GCNT2: variants seen among roughly 807,000 people sequenced by gnomAD.
GCNT2 encodes the protein N-acetyllactosaminide beta-1,6-N-acetylglucosaminyl-transferase.
In GCNT2, 34 loss-of-function variants were observed where a neutral mutation model predicts 34.2. The ratio of observed to expected loss-of-function variants is 1.00; its 90% CI spans 0.76 to 1.32. GCNT2 has a LOEUF of 1.32. GCNT2 is among the 40% of genes most tolerant of loss of function. The probability of loss-of-function intolerance (pLI) is 0.00; values close to 1 mark genes in which losing one functional copy is unlikely to be tolerated. For missense variants in GCNT2, 584 were observed against 489.4 expected, an observed-to-expected ratio of 1.19 and a Z score of -1.82; for synonymous variants, 212 against 188.0, an observed-to-expected ratio of 1.13 and a Z score of -1.04.
chr6:10,549,186 C>G (rs972786985), intron 3 of GCNT2, among the ~76,000 whole-genome samples: 3 of 152,326 alleles, frequency 2.0e-5, no homozygotes, highest in East Asian at 1.9e-4. Flanking sequence ...CAACACACAG[C>G]CCTCACAACA....
intron 3 of GCNT2, among the ~76,000 whole-genome samples, chr6:10,582,449 AATAT>A (rs1229560938): frequency 8.0e-6 from 1 of 125,452 alleles, no homozygotes; most frequent in South Asian, 2.2e-4. Flanking sequence ...TTTATTATAT[AATAT>A]ATATAATAAA....
intron 3 of GCNT2, chr6:10,619,359 A>G (rs1765932608): frequency 6.6e-6 from 1 of 151,818 alleles, no homozygotes; most frequent in Non-Finnish European, 1.5e-5. Context: ...TTTAAAAAAA[A>G]AAATTGTGGA....
chr6:10,594,134 C>T (rs552775704), intron 3 of GCNT2, among the ~76,000 whole-genome samples: 3 of 152,192 alleles, frequency 2.0e-5, no homozygotes, highest in African/African-American at 7.2e-5. Context: ...GGCCCTACCC[C>T]GAAGTTTCTG....
rs1046382357 is a variant in GCNT2 at position 10,627,661 on chromosome 6, A to G, written c.*1054A>G. 1.3e-5 allele frequency: 2 copies of G among 152,158 alleles called. No homozygotes were observed. The highest frequency in any genetic ancestry group is 1.9e-4 in the East Asian group (1 of 5,202). 9.4% of individuals were successfully genotyped at this position (152,158 alleles called of 1,614,324 possible). The stretch of plus-strand genomic sequence containing the variant: ...AACATCTCTTGAGTGTCTATTATGT[A>G]CAGGACATGTACTGAGACAAAAAGG... On this transcript the variant is annotated 3_prime_UTR_variant, in exon 5 of 5. Coordinates refer to ENST00000495262, the MANE Select transcript of GCNT2 (RefSeq NM_145649.5).
Position 10,544,634 on chromosome 6 carries a change from TTAAATAAA to T in GCNT2, c.925+14816_925+14823del, listed in dbSNP as rs60548681. On this transcript the variant is annotated intron_variant, in intron 3 of 4. Coordinates refer to ENST00000495262, the MANE Select transcript of GCNT2 (RefSeq NM_145649.5). ...TAAATACATAAAATAAAATAAAATA[TTAAATAAA>T]TAAATAAATAAATAAATGGGGCCGG... is the stretch of plus-strand genomic sequence containing the variant. Among the ~76,000 whole-genome samples the T allele has an allele frequency of 6.0e-3, 900 of 149,270 alleles. 5 individuals are homozygous for T. Among genetic ancestry groups the T allele is most frequent in the South Asian group, 0.019 (92 of 4,756 alleles).
intron 3 of GCNT2, among the ~76,000 whole-genome samples, chr6:10,558,219 A>G (rs1762811017): frequency 6.6e-6 from 1 of 152,166 alleles, no homozygotes; most frequent in Non-Finnish European, 1.5e-5. Flanking sequence ...GTTATTTTCT[A>G]TCTCATTAAC....
Position 10,581,961 on chromosome 6 carries a change from A to AAT in GCNT2, c.926-39378_926-39377dup, listed in dbSNP as rs141064288. The AAT allele has an allele frequency of 5.4e-4, 238 of 441,942 alleles. 1 individual carries two copies. The highest frequency in any genetic ancestry group is 6.7e-4 in the African/African-American group (31 of 46,036). The allele number at this position is 441,942 out of a possible 1,614,324, so 27.4% of individuals were successfully genotyped here. The stretch of plus-strand genomic sequence containing the variant: ...GTGTGAATATACATAATAAAATAGT[A>AAT]ATATATATATATACACACACTTATA... On this transcript the variant is annotated intron_variant, in intron 3 of 4. Transcript: ENST00000495262.
At position 10,580,890 on chromosome 6, in the gene GCNT2, G is replaced by T. The variant is rs375791083; in HGVS notation, c.926-40461G>T. 9.2e-5 allele frequency among the ~76,000 whole-genome samples: 14 copies of T among 152,324 alleles called. No individual in the cohort carries two copies. The East Asian group carries it at 2.3e-3, about 25-fold the overall frequency. On this transcript the variant is annotated intron_variant, in intron 3 of 4. Transcript: ENST00000495262. Reference sequence around the variant, plus strand: ...TGTTGAGTTGAGATGATGATGTGTTGTTAGCCATAGTCCTTGTGCTGTCTT... The same window carrying T: ...TGTTGAGTTGAGATGATGATGTGTTTTTAGCCATAGTCCTTGTGCTGTCTT...
chr6:10,563,596 G>T (rs1305193738), intron 3 of GCNT2, among the ~76,000 whole-genome samples: 1 of 151,406 alleles, frequency 6.6e-6, no homozygotes, highest in Non-Finnish European at 1.5e-5. Flanking sequence ...ACAAAAATTA[G>T]CCTGGCGTGG....
At chr6:10,543,992 C>G (rs531037136) in intron 3 of GCNT2, among the ~76,000 whole-genome samples, 1 of 152,170 alleles carries the variant, frequency 6.6e-6, no homozygotes, top group African/African-American at 2.4e-5. Flanking sequence ...ATCCTGTGAC[C>G]AAGAAAATAG....
intron 4 of GCNT2, among the ~76,000 whole-genome samples, chr6:10,623,380 C>A (rs1398475006): frequency 2.0e-5 from 3 of 151,538 alleles, no homozygotes; most frequent in Admixed American, 2.0e-4. Context: ...GAACCTCCGT[C>A]TCCCGGGTTC....
intron 3 of GCNT2, among the ~76,000 whole-genome samples, chr6:10,560,098 A>AT (rs1192168902): frequency 1.1e-4 from 17 of 151,830 alleles, no homozygotes; most frequent in Admixed American, 7.9e-4. Flanking sequence ...CAGCTCTTCT[A>AT]TTTTTTTTGA....
chr6:10,556,871 C>T (rs765818421), intron 3 of GCNT2: 1 of 1,614,196 alleles, frequency 6.2e-7, no homozygotes, highest in Non-Finnish European at 8.5e-7. Flanking sequence ...AAACGCTTTT[C>T]TGGCTTCCAA....
At chr6:10,605,182 T>C (rs1306817119) in intron 3 of GCNT2, among the ~76,000 whole-genome samples, 1 of 149,480 alleles carries the variant, frequency 6.7e-6, no homozygotes, top group Non-Finnish European at 1.5e-5. Flanking sequence ...TTCTCAACCT[T>C]AACCACATAT....
intron 3 of GCNT2, among the ~76,000 whole-genome samples, chr6:10,614,307 A>T (rs1392125992): frequency 6.6e-6 from 1 of 151,964 alleles, no homozygotes; most frequent in African/African-American, 2.4e-5. Flanking sequence ...TTGAAGGGCA[A>T]ATTGAAATGG....
At chr6:10,582,120 C>A (rs542590380) in intron 3 of GCNT2, among the ~76,000 whole-genome samples, 1 of 138,784 alleles carries the variant, frequency 7.2e-6, no homozygotes, top group African/African-American at 2.7e-5. Context: ...ATATAAAAAA[C>A]ATTTATAAAT....
intron 3 of GCNT2, among the ~76,000 whole-genome samples, chr6:10,593,881 T>C (rs1354118418): frequency 6.6e-6 from 1 of 152,226 alleles, no homozygotes. Context: ...TGCTATCAGG[T>C]AAACGACTTT....
chr6:10,571,609 T>C (rs1763559239), intron 3 of GCNT2, among the ~76,000 whole-genome samples: 2 of 152,128 alleles, frequency 1.3e-5, no homozygotes, highest in Non-Finnish European at 1.5e-5. Context: ...CACCTCAGCC[T>C]CCCAAAGTGC....
intron 3 of GCNT2, among the ~76,000 whole-genome samples, chr6:10,577,020 G>A (rs1763851126): frequency 6.6e-6 from 1 of 152,232 alleles, no homozygotes; most frequent in Admixed American, 6.5e-5. Context: ...CAAGGCTGCA[G>A]TGAGCTATGC....
Sources: gnomAD v4.1 joint callset for allele counts (sites outside exome capture counted in the v4.1 genomes callset) on GRCh38, gnomAD v4.1.1 for gene constraint, MANE v1.5 for transcripts, NCBI Gene and HGNC (gene_info 2026-07-23, HGNC 2026-07-21) for gene names.